MBOAT2: variants seen among roughly 807,000 people sequenced by gnomAD.
The protein encoded by MBOAT2 is membrane bound glycerophospholipid O-acyltransferase 2, also known as membrane-bound glycerophospholipid O-acyltransferase 2.
In MBOAT2, 28 loss-of-function variants were observed where a neutral mutation model predicts 63.4. The observed-to-expected ratio is 0.44, with a 90% CI of 0.33 to 0.61. The LOEUF (loss-of-function observed/expected upper bound fraction) is 0.61, where lower values mean the gene tolerates loss of function less well. Among genes scored for constraint, MBOAT2 ranks in the 20% least tolerant of loss-of-function variants. The pLI is 0.03. For missense variants in MBOAT2, 470 were observed against 605.8 expected (o/e 0.78, Z 2.35); for synonymous variants, 211 against 215.6 (o/e 0.98, Z 0.19).
At chr2:8,868,893 T>C (rs930250926) in intron 8 of MBOAT2, among the ~76,000 whole-genome samples, 1 of 152,150 alleles carries the variant, frequency 6.6e-6, no homozygotes. Flanking sequence ...TGCCAAGAAG[T>C]TGCTAAGGGG....
At chr2:8,933,745 A>T (rs1667480474) in intron 3 of MBOAT2, among the ~76,000 whole-genome samples, 1 of 152,174 alleles carries the variant, frequency 6.6e-6, no homozygotes, top group Non-Finnish European at 1.5e-5. Flanking sequence ...AATCTACGTG[A>T]ACTTCTTTTT....
chr2:8,862,566 TA>T lies in MBOAT2; in HGVS notation c.1185+23del. 3 of 1,600,608 alleles carry T rather than the reference TA, an allele frequency of 1.9e-6. No homozygotes were observed. The highest frequency in any genetic ancestry group is 2.6e-6 in the Non-Finnish European group (3 of 1,174,962). ...ACAGTTCAAGTGGACCATTGAATTG[TA>T]AAATAAAATTCTTGATACTTACAGC... On this transcript the variant is annotated intron_variant, in intron 11 of 12. Coordinates refer to ENST00000305997, the MANE Select transcript of MBOAT2 (RefSeq NM_138799.4). This position sits in a 1 kb window ranked among gnomAD's most constrained non-coding sequence, Gnocchi z 4.3.
intron 1 of MBOAT2, among the ~76,000 whole-genome samples, chr2:8,981,712 CAG>C (rs1456472514): frequency 6.6e-6 from 1 of 152,074 alleles, no homozygotes; most frequent in African/African-American, 2.4e-5. Context: ...GGAAGGGAGA[CAG>C]AGATGAAGAA....
At chr2:8,992,373 G>A (rs1671970446) in intron 1 of MBOAT2, among the ~76,000 whole-genome samples, 1 of 152,178 alleles carries the variant, frequency 6.6e-6, no homozygotes, top group Non-Finnish European at 1.5e-5. Flanking sequence ...CTGGACTCAA[G>A]GGATCCTCCT....
chr2:8,902,159 C>A lies in MBOAT2; in HGVS notation c.395+6462G>T, dbSNP rs544027345. 5.3e-5 allele frequency among the ~76,000 whole-genome samples: 8 copies of A among 152,294 alleles called. No individual in the cohort carries two copies. In the South Asian group the frequency reaches 1.7e-3, roughly 32 times the overall value. Reference sequence around the variant, plus strand: ...TAAGAGTCAGGGGTTGTTAAGAGAGCCCTTTTCCAGAAAGCCTGACACCCG... The same window carrying A: ...TAAGAGTCAGGGGTTGTTAAGAGAGACCTTTTCCAGAAAGCCTGACACCCG... On this transcript the variant is annotated intron_variant, in intron 4 of 12. Coordinates refer to ENST00000305997, the MANE Select transcript of MBOAT2 (RefSeq NM_138799.4).
Position 8,882,507 on chromosome 2 carries a change from G to T in MBOAT2, c.506+4C>A. On this transcript the variant is annotated splice_donor_region_variant and intron_variant, in intron 6 of 12. Coordinates refer to ENST00000305997, the MANE Select transcript of MBOAT2 (RefSeq NM_138799.4). ...ATGGCAGAATAGGATGCAAAGGCAC[G>T]TACCTTACAGCTAAATCCCTCTGTG... The T allele has an allele frequency of 6.2e-7, 1 of 1,614,134 alleles. No homozygotes were observed. The highest frequency in any genetic ancestry group is 8.5e-7 in the Non-Finnish European group (1 of 1,179,962).
chr2:8,948,551 A>G (rs1668587374), intron 2 of MBOAT2, among the ~76,000 whole-genome samples: 2 of 152,124 alleles, frequency 1.3e-5, no homozygotes, highest in Non-Finnish European at 2.9e-5. Context: ...GTCCATGAGT[A>G]CCCAAATGTT....
At chr2:8,958,464 C>T (rs1457724135) in intron 2 of MBOAT2, 33 bp downstream of exon 2, 1 of 1,538,146 alleles carries the variant, frequency 6.5e-7, no homozygotes, top group Non-Finnish European at 8.8e-7. Context: ...TCCAAATAGT[C>T]TTCATTTTAA....
chr2:8,900,852 G>C (rs928576014), intron 4 of MBOAT2, among the ~76,000 whole-genome samples: 1 of 152,074 alleles, frequency 6.6e-6, no homozygotes, highest in Non-Finnish European at 1.5e-5. Context: ...CTTCCCTCTG[G>C]TGGCCATTTT....
intron 1 of MBOAT2, among the ~76,000 whole-genome samples, chr2:8,979,605 G>A (rs116742986): frequency 0.012 from 1,807 of 152,152 alleles, 35 homozygotes; most frequent in African/African-American, 0.042. Flanking sequence ...TTTATTTTAT[G>A]CAGATCATTG....
At chr2:8,987,508 A>G (rs1671653686) in intron 1 of MBOAT2, among the ~76,000 whole-genome samples, 1 of 152,248 alleles carries the variant, frequency 6.6e-6, no homozygotes, top group Non-Finnish European at 1.5e-5. Flanking sequence ...GATGACCTAA[A>G]AAGTACCCTT....
intron 3 of MBOAT2, among the ~76,000 whole-genome samples, chr2:8,912,365 G>GAA (rs1395575861): frequency 3.2e-5 from 3 of 93,946 alleles, no homozygotes; most frequent in Non-Finnish European, 6.6e-5. Flanking sequence ...AAGAAAGAAA[G>GAA]AAAGAAAGAG....
intron 3 of MBOAT2, among the ~76,000 whole-genome samples, chr2:8,913,901 T>C (rs1445881530): frequency 1.3e-5 from 2 of 152,224 alleles, no homozygotes; most frequent in Non-Finnish European, 2.9e-5. Context: ...AATTCACGAT[T>C]GCAAAATCGT....
At chr2:8,878,931 CCGGGCGTAGTGG>C (rs1662902763) in intron 6 of MBOAT2, among the ~76,000 whole-genome samples, 1 of 151,718 alleles carries the variant, frequency 6.6e-6, no homozygotes, top group African/African-American at 2.4e-5. Context: ...AAAAAATTAG[CCGGGCGTAGTGG>C]CGGGCGCCTG....
At chr2:8,894,014 C>A (rs1021415991) in intron 4 of MBOAT2, among the ~76,000 whole-genome samples, 1 of 151,946 alleles carries the variant, frequency 6.6e-6, no homozygotes, top group Admixed American at 6.6e-5. Flanking sequence ...AGGTTTGTTA[C>A]ATAGGTATAC....
At position 8,948,270 on chromosome 2, in the gene MBOAT2, G is replaced by T. The variant is rs1668562775; in HGVS notation, c.222-5006C>A. The stretch of plus-strand genomic sequence containing the variant: ...CTTCTTATGGATGAGCAAAGAAAGT[G>T]ATTCCTTCAGATGGAGTCTACTCCT... On this transcript the variant is annotated intron_variant, in intron 2 of 12. Transcript: ENST00000305997. Among the ~76,000 whole-genome samples the T allele has an allele frequency of 2.0e-5, 3 of 152,200 alleles. No individual in the cohort carries two copies. The South Asian group carries it at 6.2e-4, about 31-fold the overall frequency.
chr2:8,930,917 G>T (rs958996183), intron 3 of MBOAT2, among the ~76,000 whole-genome samples: 1 of 152,120 alleles, frequency 6.6e-6, no homozygotes, highest in Non-Finnish European at 1.5e-5. Context: ...CCATGCTGTG[G>T]AAGCTTTGTA....
rs563437522 is a variant in MBOAT2, at chr2:8,894,970, G to A, written c.396-6897C>T. ...TACAGTTCATAAAGGCGGCACGTCCGGAGTTGTTCATTCCTCCCAGTGGGT... is the reference window on the plus strand; with the variant it reads ...TACAGTTCATAAAGGCGGCACGTCCAGAGTTGTTCATTCCTCCCAGTGGGT... On this transcript the variant is annotated intron_variant, in intron 4 of 12. Transcript: ENST00000305997. 3.7e-4 allele frequency among the ~76,000 whole-genome samples: 56 copies of A among 151,648 alleles called. 1 individual carries two copies. The highest frequency in any genetic ancestry group is 2.5e-3 in the South Asian group (12 of 4,780).
At chr2:8,929,686 T>C (rs1667184725) in intron 3 of MBOAT2, among the ~76,000 whole-genome samples, 1 of 152,152 alleles carries the variant, frequency 6.6e-6, no homozygotes, top group Non-Finnish European at 1.5e-5. Flanking sequence ...ATCAAACATA[T>C]GCATGCATGT....
Sources: gnomAD v4.1 joint callset for allele counts (sites outside exome capture counted in the v4.1 genomes callset) on GRCh38, gnomAD v4.1.1 for gene constraint, Gnocchi (gnomAD v3.1) non-coding constraint, MANE v1.5 for transcripts, NCBI Gene and HGNC (gene_info 2026-07-23, HGNC 2026-07-21) for gene names.